The following RBPMS variants were observed in gnomAD, a reference collection of about 807,000 sequenced individuals.
RBPMS encodes the protein RNA-binding protein with multiple splicing.
In RBPMS, 7 loss-of-function variants were observed where a neutral mutation model predicts 26.8. That is an observed-to-expected ratio of 0.26 (90% CI 0.15 to 0.49). RBPMS has a LOEUF of 0.49. Among genes scored for constraint, RBPMS ranks in the 20% least tolerant of loss-of-function variants. The pLI is 0.98. For missense variants in RBPMS, 186 were observed against 250.0 expected (o/e 0.74, Z 1.73); for synonymous variants, 96 against 93.3 (o/e 1.03, Z -0.17).
At chr8:30,480,052 AAGTT>A (rs1211129185) in intron 4 of RBPMS, among the ~76,000 whole-genome samples, 2 of 152,216 alleles carry the variant, frequency 1.3e-5, no homozygotes, top group Non-Finnish European at 2.9e-5. Context: ...TAAGGGAACT[AAGTT>A]AGAGAAGGTG....
chr8:30,565,885 C>A (rs1827852593), intron 7 of RBPMS: 1 of 152,300 alleles, frequency 6.6e-6, no homozygotes, highest in Non-Finnish European at 1.5e-5. Flanking sequence ...TAGGCCACAG[C>A]CCTTGGGATG....
intron 1 of RBPMS, among the ~76,000 whole-genome samples, chr8:30,446,572 T>C (rs969622538): frequency 1.3e-5 from 2 of 152,186 alleles, no homozygotes; most frequent in Admixed American, 1.3e-4. Flanking sequence ...CAAAGTAATG[T>C]GGCTTAACCA....
intron 1 of RBPMS, among the ~76,000 whole-genome samples, chr8:30,443,563 C>T (rs1355071224): frequency 3.3e-5 from 5 of 151,466 alleles, no homozygotes; most frequent in Admixed American, 6.6e-5. Context: ...TCCTTGGGGT[C>T]GGATGTGCTT....
In RBPMS at chr8:30,503,353, C is replaced by G. The variant is rs569530992; in HGVS notation, c.247-933C>G. Among the ~76,000 whole-genome samples the G allele has an allele frequency of 5.9e-5, 9 of 152,176 alleles. No homozygotes were observed. In the East Asian group the frequency reaches 1.7e-3, roughly 29 times the overall value. ...GTACCCTCTGCCTCATGGGCTCAAG[C>G]AATTCTGTCTCAGCATTCCAAGTAA... On this transcript the variant is annotated intron_variant, in intron 4 of 8. Transcript: ENST00000397323.
intron 1 of RBPMS, among the ~76,000 whole-genome samples, chr8:30,425,759 TC>T (rs1811282681): frequency 6.6e-6 from 1 of 152,102 alleles, no homozygotes; most frequent in Admixed American, 6.6e-5. Flanking sequence ...GTCAGGCACT[TC>T]CTACGTCCCA....
intron 5 of RBPMS, among the ~76,000 whole-genome samples, chr8:30,521,389 G>A (rs1363818954): frequency 6.6e-6 from 1 of 152,146 alleles, no homozygotes; most frequent in Non-Finnish European, 1.5e-5. Context: ...GTTTATTGAC[G>A]TTTTCCCCAA....
At position 30,518,711 on chromosome 8, in the gene RBPMS, T is replaced by TTTTTTTTTTTTTTTTTC. The variant is rs1554533817; in HGVS notation, c.397+14279_397+14280insTTTTTTTTTTTTCTTTT. Among the ~76,000 whole-genome samples, 2 of 136,636 alleles carry TTTTTTTTTTTTTTTTTC rather than the reference T, an allele frequency of 1.5e-5. 1 individual carries two copies. The highest frequency in any genetic ancestry group is 3.1e-5 in the Non-Finnish European group (2 of 63,924). The allele number at this position is 136,636 out of a possible 152,430, so 89.6% of individuals were successfully genotyped here. A position where few individuals can be genotyped will look rare whatever the true frequency, so the allele number is the denominator to read the frequency against. On this transcript the variant is annotated intron_variant, in intron 5 of 8. Transcript: ENST00000397323. ...ACTTTTTTTTTTTTTTTTTTTTTTT[T>TTTTTTTTTTTTTTTTTC]TTTTCTGAAAAGGAGTATGATTTTT...
intron 4 of RBPMS, among the ~76,000 whole-genome samples, chr8:30,492,707 C>G (rs907695336): frequency 1.3e-5 from 2 of 152,046 alleles, no homozygotes; most frequent in Non-Finnish European, 2.9e-5. Context: ...GCACATAAAC[C>G]CCCCTACTTT....
chr8:30,414,567 A>C (rs533735464), intron 1 of RBPMS, among the ~76,000 whole-genome samples: 1 of 152,364 alleles, frequency 6.6e-6, no homozygotes, highest in South Asian at 2.1e-4. Context: ...CGGAGCAGAT[A>C]GAAAGATCAG....
intron 5 of RBPMS, among the ~76,000 whole-genome samples, chr8:30,507,271 G>T (rs1319219011): frequency 1.3e-5 from 2 of 152,154 alleles, no homozygotes; most frequent in Non-Finnish European, 2.9e-5. Context: ...ACTTGGTTGT[G>T]CTCCTATTCT....
chr8:30,487,966 G>A (rs1232775859), intron 4 of RBPMS, among the ~76,000 whole-genome samples: 1 of 151,766 alleles, frequency 6.6e-6, no homozygotes, highest in Non-Finnish European at 1.5e-5. Flanking sequence ...TGGCCATTGT[G>A]CGGCAAGTTA....
intron 1 of RBPMS, among the ~76,000 whole-genome samples, chr8:30,471,609 G>A (rs1817115906): frequency 6.6e-6 from 1 of 152,144 alleles, no homozygotes; most frequent in Non-Finnish European, 1.5e-5. Context: ...CCCAAAATCT[G>A]AATAAATGGA....
intron 4 of RBPMS, among the ~76,000 whole-genome samples, chr8:30,501,261 C>T (rs1820523878): frequency 1.5e-5 from 2 of 131,912 alleles, no homozygotes; most frequent in South Asian, 2.9e-4. Context: ...AGCCACCCCA[C>T]CCCTGACCCC....
At chr8:30,536,025 A>G (rs1824753062) in intron 5 of RBPMS, among the ~76,000 whole-genome samples, 1 of 152,150 alleles carries the variant, frequency 6.6e-6, no homozygotes, top group South Asian at 2.1e-4. Flanking sequence ...AATGTCTGCT[A>G]TGTAACATGC....
intron 1 of RBPMS, among the ~76,000 whole-genome samples, chr8:30,447,559 C>T (rs895319520): frequency 6.6e-6 from 1 of 152,138 alleles, no homozygotes; most frequent in African/African-American, 2.4e-5. Context: ...TTCCTTCCAG[C>T]CTGTCACCCA....
chr8:30,530,099 G>C (rs1824055377), intron 5 of RBPMS, among the ~76,000 whole-genome samples: 1 of 152,166 alleles, frequency 6.6e-6, no homozygotes, highest in Non-Finnish European at 1.5e-5. Flanking sequence ...CCATTGTATG[G>C]ATATAGTACA....
intron 4 of RBPMS, among the ~76,000 whole-genome samples, chr8:30,492,923 A>T (rs1819549779): frequency 6.6e-6 from 1 of 152,146 alleles, no homozygotes. Flanking sequence ...GAGATGAATC[A>T]CATAATCGGG....
At chr8:30,484,379 A>T (rs1818573203) in intron 4 of RBPMS, among the ~76,000 whole-genome samples, 1 of 152,182 alleles carries the variant, frequency 6.6e-6, no homozygotes, top group Non-Finnish European at 1.5e-5. Flanking sequence ...TAAGTAATGG[A>T]ACTGCGTTTG....
At chr8:30,514,883 TAACTCATTG>T (rs1822142264) in intron 5 of RBPMS, among the ~76,000 whole-genome samples, 1 of 152,016 alleles carries the variant, frequency 6.6e-6, no homozygotes, top group Admixed American at 6.6e-5. Context: ...AAGATCCACA[TAACTCATTG>T]AACCATTATC....
Sources: allele counts gnomAD v4.1 joint callset (sites outside exome capture counted in the v4.1 genomes callset), GRCh38; gene constraint gnomAD v4.1.1; transcripts MANE v1.5; gene names NCBI Gene and HGNC (gene_info 2026-07-23, HGNC 2026-07-21).